Variants in WSB2 observed in about 807,000 individuals in gnomAD.
The protein encoded by WSB2 is WD repeat and SOCS box-containing protein 2.
WSB2 carries 12 observed loss-of-function variants against 48.8 expected under a neutral mutation model. That is an observed-to-expected ratio of 0.25 (90% CI 0.16 to 0.40). WSB2 has a LOEUF of 0.40. Ranked by LOEUF, WSB2 falls within the 10% of genes least tolerant of loss-of-function variation. The probability of loss-of-function intolerance (pLI) is 1.00; values close to 1 mark genes in which losing one functional copy is unlikely to be tolerated. For missense variants in WSB2, 317 were observed against 506.2 expected, an observed-to-expected ratio of 0.63 and a Z score of 3.59; for synonymous variants, 191 against 203.1, an observed-to-expected ratio of 0.94 and a Z score of 0.51.
intron 4 of WSB2, among the ~76,000 whole-genome samples, chr12:118,039,399 C>T (rs1015377203): frequency 6.6e-6 from 1 of 152,178 alleles, no homozygotes; most frequent in African/African-American, 2.4e-5. Context: ...GGGGTACCTA[C>T]AGTTTAATGA....
chr12:118,046,672 C>T (rs140348648), intron 2 of WSB2, among the ~76,000 whole-genome samples: 175 of 152,232 alleles, frequency 1.1e-3, no homozygotes, highest in African/African-American at 3.7e-3. Flanking sequence ...AGAAGCAGCA[C>T]TTAAGAGGCA....
Position 118,043,321 on chromosome 12 carries a change from C to T in WSB2, c.239G>A (p.Arg80Gln), listed in dbSNP as rs777270301. 7.5e-6 allele frequency: 12 copies of T among 1,603,928 alleles called. No individual in the cohort carries two copies. In the Admixed American group the frequency reaches 1.6e-4, roughly 21 times the overall value. ...SRSSKNETKG[R>Q]GSPKEKTLDC... ...CAGCGTCTTCTCTTTTGGGCTGCCC[C>T]GCCCTTTCGTCTCATTTTTGCTACT... The change falls in exon 3 of 9, where the codon CGG becomes CAG. Residue 80 changes from arginine to glutamine, a missense_variant. Transcript: ENST00000315436.
intron 1 of WSB2, among the ~76,000 whole-genome samples, chr12:118,054,217 C>T (rs1057396491): frequency 1.8e-5 from 1 of 56,068 alleles, no homozygotes; most frequent in Non-Finnish European, 3.4e-5. Flanking sequence ...ACTAAAAATC[C>T]AAAAAAAAAA....
At chr12:118,052,221 C>T (rs2031866952) in intron 2 of WSB2, 89 bp downstream of exon 2, 2 of 1,511,920 alleles carry the variant, frequency 1.3e-6, no homozygotes, top group Non-Finnish European at 8.9e-7. Context: ...GCCACCTTCC[C>T]TCTCTCTGGT....
At chr12:118,042,665 T>C in intron 4 of WSB2, 176 bp downstream of exon 4, 3 of 892,390 alleles carry the variant, frequency 3.4e-6, no homozygotes, top group South Asian at 1.7e-5. Context: ...TGGTATAGTA[T>C]TATCTTTGGG....
chr12:118,048,350 G>T (rs773504825), intron 2 of WSB2, among the ~76,000 whole-genome samples: 2 of 152,110 alleles, frequency 1.3e-5, no homozygotes, highest in African/African-American at 2.4e-5. Flanking sequence ...CACTTTGGGA[G>T]GCCAAGGCAG....
chr12:118,061,777 G>A (rs1237738927), upstream of WSB2, among the ~76,000 whole-genome samples: 2 of 149,388 alleles, frequency 1.3e-5, no homozygotes, highest in South Asian at 2.2e-4. Context: ...GGGTAAAAAT[G>A]GGGGCGGGAG....
intron 1 of WSB2, among the ~76,000 whole-genome samples, chr12:118,058,432 C>CG (rs1443809564): frequency 3.3e-5 from 5 of 152,082 alleles, no homozygotes; most frequent in African/African-American, 1.2e-4. Context: ...ACTGCAACCT[C>CG]GACCTCCCCA....
At chr12:118,036,047 C>A in intron 6 of WSB2, 1 of 204,646 alleles carries the variant, frequency 4.9e-6, no homozygotes, top group Non-Finnish European at 9.9e-6. Flanking sequence ...AATAAAAATA[C>A]AAAAATTAGC....
At chr12:118,036,196 C>T (rs945216466) in intron 6 of WSB2, 142 bp downstream of exon 6, 18 of 998,718 alleles carry the variant, frequency 1.8e-5, no homozygotes, top group South Asian at 5.1e-5. Context: ...AGCGAGACTC[C>T]GTCTCAAAAG....
chr12:118,061,204 G>A (rs933928114), upstream of WSB2: 10 of 983,614 alleles, frequency 1.0e-5, no homozygotes, highest in Middle Eastern at 2.1e-3. Flanking sequence ...GTGGGCGCGG[G>A]CGGAGACGCG....
chr12:118,062,139 C>T, upstream of WSB2: 1 of 1,535,458 alleles, frequency 6.5e-7, no homozygotes. Context: ...CCCTGAGAAA[C>T]CTGCTCTCCC....
Position 118,042,915 on chromosome 12 carries a change from G to A in WSB2, c.485C>T (p.Thr162Ile). 1.2e-6 allele frequency: 2 copies of A among 1,614,200 alleles called. No homozygotes were observed. The highest frequency in any genetic ancestry group is 1.7e-6 in the Non-Finnish European group (2 of 1,180,042). ...HQDVVRDLSF[T>I]PSGSLILVSA... ...GACCAAAATCAAACTGCCACTGGGT[G>A]TGAAGCTCAGATCTCTCACGACATC... The change falls in exon 4 of 9, where the codon ACA becomes ATA. Residue 162 changes from threonine to isoleucine, a missense_variant. Thr to Ile is a moderately conservative substitution (Grantham distance 89). Around this residue, in one of 2 missense-constraint regions of WSB2, gnomAD observed 189 missense variants for 349.6 expected, o/e 0.54. Coordinates refer to ENST00000315436, the MANE Select transcript of WSB2 (RefSeq NM_018639.5).
chr12:118,049,000 T>G (rs1320504359), intron 2 of WSB2, among the ~76,000 whole-genome samples: 1 of 152,220 alleles, frequency 6.6e-6, no homozygotes, highest in Non-Finnish European at 1.5e-5. Flanking sequence ...AAAAAAGACA[T>G]ATTTATCTAT....
chr12:118,052,747 T>A, intron 1 of WSB2: 1 of 516,160 alleles, frequency 1.9e-6, no homozygotes, highest in South Asian at 2.6e-5. Context: ...CATTTTCCTA[T>A]GAATACTTGA....
At chr12:118,056,940 G>T (rs2031968132) in intron 1 of WSB2, among the ~76,000 whole-genome samples, 1 of 152,088 alleles carries the variant, frequency 6.6e-6, no homozygotes, top group Admixed American at 6.6e-5. Flanking sequence ...AAACTCTGAT[G>T]ATGCTTATGC....
At position 118,045,581 on chromosome 12, in the gene WSB2, G is replaced by A. The variant is rs138639406; in HGVS notation, c.183-2204C>T. On this transcript the variant is annotated intron_variant, in intron 2 of 8. Coordinates refer to ENST00000315436, the MANE Select transcript of WSB2 (RefSeq NM_018639.5). ...GACGTGGTGGCAGGGACCTGGTGGC[G>A]CATGCCTGTAATCCCAGCTACTCAG... Among the ~76,000 whole-genome samples, 375 of 151,672 alleles carry A rather than the reference G, an allele frequency of 2.5e-3. 3 individuals are homozygous for A. The highest frequency in any genetic ancestry group is 8.6e-3 in the African/African-American group (356 of 41,354).
chr12:118,060,953 G>A lies in WSB2; in HGVS notation c.13+83C>T. The stretch of plus-strand genomic sequence containing the variant: ...GCCCCCGCCCCACCCCGCCCAGCCC[G>A]CCCCGGGGTCGCCTCCCCCCTCCCC... On this transcript the variant is annotated intron_variant, in intron 1 of 8. Transcript: ENST00000315436. This position sits in a 1 kb window ranked among gnomAD's most constrained non-coding sequence, Gnocchi z 4.1. 2 of 170,058 alleles carry A rather than the reference G, an allele frequency of 1.2e-5. No individual in the cohort carries two copies. The highest frequency in any genetic ancestry group is 2.2e-5 in the Non-Finnish European group (2 of 92,120). The allele number at this position is 170,058 out of a possible 1,614,324, so 10.5% of individuals were successfully genotyped here. A position where few individuals can be genotyped will look rare whatever the true frequency, so the allele number is the denominator to read the frequency against.
At position 118,033,699 on chromosome 12, in the gene WSB2, A is replaced by G. The variant is rs1306135617; in HGVS notation, c.*497T>C. 1 of 153,732 alleles carries G rather than the reference A, an allele frequency of 6.5e-6. No homozygotes were observed. Among genetic ancestry groups the G allele is most frequent in the East Asian group, 1.9e-4 (1 of 5,254 alleles). 9.5% of individuals were successfully genotyped at this position (153,732 alleles called of 1,614,324 possible). On this transcript the variant is annotated 3_prime_UTR_variant, in exon 9 of 9. Coordinates refer to ENST00000315436, the MANE Select transcript of WSB2 (RefSeq NM_018639.5). The stretch of plus-strand genomic sequence containing the variant: ...AGGTCAGAAGGGAGCCCAAGAAGAA[A>G]AGCACTTGGCCAACATCGAAGCAAC...
Sources: gnomAD v4.1 joint callset for allele counts (sites outside exome capture counted in the v4.1 genomes callset) on GRCh38, gnomAD v4.1.1 for gene constraint, gnomAD v4.1.1 regional missense constraint, Gnocchi (gnomAD v3.1) non-coding constraint, MANE v1.5 for transcripts, NCBI Gene and HGNC (gene_info 2026-07-23, HGNC 2026-07-21) for gene names.